Variants in SOX5 observed in about 807,000 individuals in gnomAD.
The protein encoded by SOX5 is SRY-box transcription factor 5, also known as transcription factor SOX-5.
A neutral mutation model predicts 92.0 loss-of-function variants in SOX5; 9 were observed. That is an observed-to-expected ratio of 0.10 (90% CI 0.06 to 0.17). The LOEUF (loss-of-function observed/expected upper bound fraction) is 0.17. Among genes scored for constraint, SOX5 ranks in the 10% least tolerant of loss-of-function variants. SOX5 has a pLI of 1.00. For synonymous variants in SOX5, 344 were observed against 336.3 expected (o/e 1.02, Z -0.25); for missense variants, 642 against 944.5 (o/e 0.68, Z 4.20).
At chr12:24,091,710 G>A (rs1265530772) in intron 4 of SOX5, among the ~76,000 whole-genome samples, 1 of 152,032 alleles carries the variant, frequency 6.6e-6, no homozygotes, top group East Asian at 1.9e-4. Flanking sequence ...ATTCATGCTA[G>A]GATTGAAAAT....
chr12:24,273,338 G>A (rs1221564069), intron 3 of SOX5, among the ~76,000 whole-genome samples: 2 of 152,154 alleles, frequency 1.3e-5, no homozygotes, highest in Non-Finnish European at 2.9e-5. Flanking sequence ...TGCTTTATAG[G>A]ACGATTTTTG....
At chr12:23,739,671 A>G (rs886190916) in intron 5 of SOX5, among the ~76,000 whole-genome samples, 2 of 152,062 alleles carry the variant, frequency 1.3e-5, no homozygotes, top group African/African-American at 4.8e-5. Flanking sequence ...CTTTCTTGTA[A>G]TATTACCACT....
intron 1 of SOX5, among the ~76,000 whole-genome samples, chr12:23,913,437 T>G (rs1595594105): frequency 6.6e-6 from 1 of 151,938 alleles, no homozygotes; most frequent in Non-Finnish European, 1.5e-5. Flanking sequence ...ACGACTGTTC[T>G]AAAACAAAGC....
At chr12:23,787,410 T>G (rs967086941) in intron 3 of SOX5, among the ~76,000 whole-genome samples, 2 of 151,982 alleles carry the variant, frequency 1.3e-5, no homozygotes, top group Non-Finnish European at 2.9e-5. Flanking sequence ...TGTGACTACT[T>G]AAAACAAAAG....
chr12:24,147,221 T>C (rs1462125716), intron 4 of SOX5, among the ~76,000 whole-genome samples: 1 of 152,182 alleles, frequency 6.6e-6, no homozygotes, highest in East Asian at 1.9e-4. Context: ...CAAATATGCT[T>C]AACAAAATGT....
At chr12:24,397,186 T>G (rs983363745) in intron 1 of SOX5, among the ~76,000 whole-genome samples, 3 of 152,220 alleles carry the variant, frequency 2.0e-5, no homozygotes, top group African/African-American at 7.2e-5. Context: ...TCATTCTTTT[T>G]CTTTTTTCCT....
chr12:23,606,536 A>G (rs994364574), intron 8 of SOX5, among the ~76,000 whole-genome samples: 1 of 151,982 alleles, frequency 6.6e-6, no homozygotes, highest in African/African-American at 2.4e-5. Context: ...CATATTACTG[A>G]CAAAATTATT....
chr12:23,974,032 T>C (rs1948645216), intron 4 of SOX5, among the ~76,000 whole-genome samples: 1 of 152,208 alleles, frequency 6.6e-6, no homozygotes. Flanking sequence ...GCTGTTTTTT[T>C]TCCTATACAT....
At chr12:23,877,528 A>G (rs529130453) in intron 2 of SOX5, among the ~76,000 whole-genome samples, 8 of 152,156 alleles carry the variant, frequency 5.3e-5, no homozygotes, top group Non-Finnish European at 4.4e-5. Context: ...CCCATTTGCC[A>G]GTGTGTATTC....
chr12:24,402,735 T>G (rs1477760076), intron 1 of SOX5, among the ~76,000 whole-genome samples: 4 of 152,186 alleles, frequency 2.6e-5, no homozygotes. Flanking sequence ...TGGTTGAACT[T>G]AGAAATTTGT....
intron 1 of SOX5, among the ~76,000 whole-genome samples, chr12:24,538,378 C>A (rs779787951): frequency 1.3e-5 from 2 of 152,126 alleles, no homozygotes; most frequent in African/African-American, 2.4e-5. Flanking sequence ...TGAACTTTGA[C>A]CTGCTTAAAA....
At chr12:24,534,941 G>A (rs1204735606) in intron 1 of SOX5, among the ~76,000 whole-genome samples, 1 of 152,222 alleles carries the variant, frequency 6.6e-6, no homozygotes, top group Non-Finnish European at 1.5e-5. Flanking sequence ...AGAGCAAAAT[G>A]TCGAAGTGAG....
intron 1 of SOX5, among the ~76,000 whole-genome samples, chr12:24,395,727 T>C (rs377405871): frequency 1.3e-5 from 2 of 152,310 alleles, no homozygotes; most frequent in East Asian, 1.9e-4. Context: ...ATAAATAACT[T>C]ACATATGTTA....
chr12:24,204,410 C>T (rs988366992), intron 4 of SOX5, among the ~76,000 whole-genome samples: 1 of 151,938 alleles, frequency 6.6e-6, no homozygotes, highest in Non-Finnish European at 1.5e-5. Context: ...CTCACTGCAA[C>T]CTCCACCTCT....
intron 6 of SOX5, among the ~76,000 whole-genome samples, chr12:23,706,199 G>A (rs2091370384): frequency 6.6e-6 from 1 of 152,018 alleles, no homozygotes; most frequent in African/African-American, 2.4e-5. Flanking sequence ...AAAACAATAT[G>A]AGTCAGCCAT....
chr12:23,749,954 T>C (rs920429988), intron 4 of SOX5, among the ~76,000 whole-genome samples: 10 of 151,438 alleles, frequency 6.6e-5, no homozygotes, highest in Non-Finnish European at 1.3e-4. Context: ...CAGGGAAAAA[T>C]ACAAAACTGA....
intron 3 of SOX5, among the ~76,000 whole-genome samples, chr12:24,239,355 G>T (rs1430992401): frequency 1.3e-5 from 2 of 152,170 alleles, no homozygotes; most frequent in Admixed American, 6.5e-5. Flanking sequence ...AAGTAGAACT[G>T]CATGCCACAA....
intron 4 of SOX5, among the ~76,000 whole-genome samples, chr12:23,975,341 T>TTC (rs1948784027): frequency 6.6e-6 from 1 of 151,280 alleles, no homozygotes; most frequent in African/African-American, 2.4e-5. Context: ...TATGATATAC[T>TTC]TTTTTTAAAA....
intron 7 of SOX5, 118 bp downstream of exon 7, chr12:23,665,326 T>C (rs1177451035): frequency 8.7e-7 from 1 of 1,148,034 alleles, no homozygotes; most frequent in East Asian, 2.4e-5. Flanking sequence ...GTGTTTCCTC[T>C]TTAAAATAAA....
Sources: allele counts gnomAD v4.1 joint callset (sites outside exome capture counted in the v4.1 genomes callset), GRCh38; gene constraint gnomAD v4.1.1; transcripts MANE v1.5; gene names NCBI Gene and HGNC (gene_info 2026-07-23, HGNC 2026-07-21).